Variants in BLACAT1 observed in about 807,000 individuals in gnomAD.
BLACAT1 encodes the protein bladder cancer associated transcript 1.
chr1:205,448,725 C>A lies in BLACAT1; in HGVS notation c.-37+7192G>T, dbSNP rs1238206142. 2.0e-5 allele frequency among the ~76,000 whole-genome samples: 3 copies of A among 152,136 alleles called. No individual in the cohort carries two copies. The highest frequency in any genetic ancestry group is 1.3e-4 in the Admixed American group (2 of 15,262). On this transcript the variant is annotated intron_variant, in intron 1 of 1. Coordinates refer to ENST00000629624, the Ensembl canonical transcript of BLACAT1. This position sits in a 1 kb window ranked among gnomAD's most constrained non-coding sequence, Gnocchi z 4.7. ...CCCCTGCCCAGGGTCCTTAACTACCCCTTCCCTAGAGAATAAGGCCGGATC... is the reference window on the plus strand; with the variant it reads ...CCCCTGCCCAGGGTCCTTAACTACCACTTCCCTAGAGAATAAGGCCGGATC...
In BLACAT1 at chr1:205,450,543, C is replaced by T. The variant is rs1406990186; in HGVS notation, c.-37+5374G>A. On this transcript the variant is annotated intron_variant, in intron 1 of 1. Coordinates refer to ENST00000629624, the Ensembl canonical transcript of BLACAT1. This position sits in a 1 kb window ranked among gnomAD's most constrained non-coding sequence, Gnocchi z 4.4. ...CCCTGCCCTGGGAGGACAAGGTCAG[C>T]ACTTATCTGTCCTTCCATTTCCTTT... Among the ~76,000 whole-genome samples the T allele has an allele frequency of 6.6e-6, 1 of 151,702 alleles. No individual in the cohort carries two copies. The highest frequency in any genetic ancestry group is 1.5e-5 in the Non-Finnish European group (1 of 67,920).
rs1666486722 is a variant in BLACAT1 at position 205,450,829 on chromosome 1, G to T, written c.-37+5088C>A. ...GACAGCCATCATGTCTCAGGCTGGAGTGAACCTCACTTGAAATATGGAGAA... is the reference window on the plus strand; with the variant it reads ...GACAGCCATCATGTCTCAGGCTGGATTGAACCTCACTTGAAATATGGAGAA... On this transcript the variant is annotated intron_variant, in intron 1 of 1. Coordinates refer to ENST00000629624, the Ensembl canonical transcript of BLACAT1. The surrounding 1 kb of genome is among the most constrained non-coding windows in gnomAD (Gnocchi z 4.4). 1.3e-5 allele frequency among the ~76,000 whole-genome samples: 2 copies of T among 152,222 alleles called. No homozygotes were observed. The highest frequency in any genetic ancestry group is 4.8e-5 in the African/African-American group (2 of 41,458).
intron 1 of BLACAT1, among the ~76,000 whole-genome samples, chr1:205,442,334 T>G (rs947715241): frequency 1.2e-4 from 19 of 152,340 alleles, no homozygotes; most frequent in African/African-American, 4.1e-4. Flanking sequence ...AGAGATTGCA[T>G]AGGATGTCCT....
chr1:205,452,050 C>T (rs547780790), intron 1 of BLACAT1, among the ~76,000 whole-genome samples: 27 of 152,164 alleles, frequency 1.8e-4, no homozygotes, highest in Non-Finnish European at 3.7e-4. Flanking sequence ...GGGCAAGAGG[C>T]GGAGGGAGGG....
downstream of BLACAT1, chr1:205,436,230 C>T (rs1999132): frequency 0.87 from 132,602 of 152,010 alleles, 58,728 homozygotes; most frequent in East Asian, 0.99. Context: ...AACTCCAGAC[C>T]TGGGGGGTGG....
At chr1:205,446,179 T>C (rs956468410) in intron 1 of BLACAT1, among the ~76,000 whole-genome samples, 3 of 152,240 alleles carry the variant, frequency 2.0e-5, no homozygotes, top group African/African-American at 4.8e-5. Flanking sequence ...TGAACAATCA[T>C]GTGAAATATA....
chr1:205,444,727 G>C (rs1348444918), intron 1 of BLACAT1, among the ~76,000 whole-genome samples: 3 of 152,162 alleles, frequency 2.0e-5, no homozygotes, highest in African/African-American at 7.2e-5. Flanking sequence ...GTGGGCGGCA[G>C]CGGGGGTGGA....
At chr1:205,442,476 G>C (rs145826294) in intron 1 of BLACAT1, among the ~76,000 whole-genome samples, 1 of 152,138 alleles carries the variant, frequency 6.6e-6, no homozygotes, top group South Asian at 2.1e-4. Context: ...AACTTCCTTC[G>C]TGTTTCTCCA....
At chr1:205,445,159 G>A (rs1442010054) in intron 1 of BLACAT1, among the ~76,000 whole-genome samples, 1 of 152,128 alleles carries the variant, frequency 6.6e-6, no homozygotes, top group Non-Finnish European at 1.5e-5. Flanking sequence ...AACGAAGGGG[G>A]TGAATTGGGT....
rs774206082 is a variant in BLACAT1 at position 205,448,321 on chromosome 1, A to G, written c.-36-7259T>C. 6 of 533,110 alleles carry G rather than the reference A, an allele frequency of 1.1e-5. No homozygotes were observed. Among genetic ancestry groups the G allele is most frequent in the Non-Finnish European group, 1.9e-5 (5 of 258,764 alleles). The allele number at this position is 533,110 out of a possible 1,614,324, so 33.0% of individuals were successfully genotyped here. A position where few individuals can be genotyped will look rare whatever the true frequency, so the allele number is the denominator to read the frequency against. ...GGAGAAGGAGCTCGCCCCTCACTGT[A>G]GCCCATGGCTTTTAGCCCTACATGA... On this transcript the variant is annotated intron_variant, in intron 1 of 1. Transcript: ENST00000629624. This position sits in a 1 kb window ranked among gnomAD's most constrained non-coding sequence, Gnocchi z 4.7.
intron 1 of BLACAT1, among the ~76,000 whole-genome samples, chr1:205,442,143 C>T (rs1451754849): frequency 6.6e-6 from 1 of 152,172 alleles, no homozygotes; most frequent in Non-Finnish European, 1.5e-5. Context: ...AAGGAAAGCG[C>T]CCTGCGTGGA....
chr1:205,455,976 T>A (rs1666558252), exon 1 of BLACAT1: 2 of 152,104 alleles, frequency 1.3e-5, no homozygotes, highest in South Asian at 4.1e-4. Context: ...TCTCTCTCTT[T>A]CTCTCTCTCT....
rs1444716536 is a variant in BLACAT1, at chr1:205,450,914, C to T, written c.-37+5003G>A. On this transcript the variant is annotated intron_variant, in intron 1 of 1. Coordinates refer to ENST00000629624, the Ensembl canonical transcript of BLACAT1. The surrounding 1 kb of genome is among the most constrained non-coding windows in gnomAD (Gnocchi z 4.4). ...AGGAAAACCCTGCTTCCTCCAATCC[C>T]GAGAACCTGGGCAGTGAAAGGCCAC... 6.6e-6 allele frequency among the ~76,000 whole-genome samples: 1 copy of T among 152,174 alleles called. No homozygotes were observed. The highest frequency in any genetic ancestry group is 2.4e-5 in the African/African-American group (1 of 41,436).
Position 205,448,411 on chromosome 1 carries a change from G to A in BLACAT1, c.-36-7349C>T, listed in dbSNP as rs773006338. On this transcript the variant is annotated intron_variant, in intron 1 of 1. Coordinates refer to ENST00000629624, the Ensembl canonical transcript of BLACAT1. The surrounding 1 kb of genome is among the most constrained non-coding windows in gnomAD (Gnocchi z 4.7). Reference sequence around the variant, plus strand: ...CCACAGCAGAGTGGAGGGGTCCAGCGGCAGGAATCTCATAGGGAAGCGAGA... The same window carrying A: ...CCACAGCAGAGTGGAGGGGTCCAGCAGCAGGAATCTCATAGGGAAGCGAGA... 1.3e-5 allele frequency: 7 copies of A among 533,708 alleles called. No homozygotes were observed. The highest frequency in any genetic ancestry group is 9.7e-5 in the Admixed American group (5 of 51,440). The allele number at this position is 533,708 out of a possible 1,614,324, so 33.1% of individuals were successfully genotyped here. A position where few individuals can be genotyped will look rare whatever the true frequency, so the allele number is the denominator to read the frequency against.
At chr1:205,440,028 T>C (rs7552574) in exon 2 of BLACAT1, among the ~76,000 whole-genome samples, 133,066 of 151,928 alleles carry the variant, frequency 0.88, 59,316 homozygotes, top group East Asian at 0.99. Flanking sequence ...GAGTTTCCAC[T>C]GAAGGCACCA....
intron 1 of BLACAT1, among the ~76,000 whole-genome samples, chr1:205,443,445 A>T (rs1329509590): frequency 1.3e-5 from 2 of 152,086 alleles, no homozygotes; most frequent in Non-Finnish European, 2.9e-5. Context: ...TTGTCACTGT[A>T]GGGAAGGATG....
At chr1:205,449,209 C>CTG (rs781283005) in intron 1 of BLACAT1, among the ~76,000 whole-genome samples, 3 of 152,154 alleles carry the variant, frequency 2.0e-5, no homozygotes, top group Non-Finnish European at 4.4e-5. Context: ...GATTGAAGAG[C>CTG]TGAGTTAAGG....
intron 1 of BLACAT1, among the ~76,000 whole-genome samples, chr1:205,442,265 G>T (rs12403847): frequency 0.75 from 114,531 of 152,054 alleles, 44,146 homozygotes; most frequent in East Asian, 0.99. Context: ...AGGGCTATGC[G>T]GAAGGGGTTT....
At chr1:205,445,530 C>T (rs1248205105) in intron 1 of BLACAT1, among the ~76,000 whole-genome samples, 2 of 152,242 alleles carry the variant, frequency 1.3e-5, no homozygotes, top group Non-Finnish European at 2.9e-5. Flanking sequence ...AGACCACAGA[C>T]CCTAGCTTGC....
Sources: gnomAD v4.1 joint callset for allele counts (sites outside exome capture counted in the v4.1 genomes callset) on GRCh38, gnomAD v4.1.1 for gene constraint, Gnocchi (gnomAD v3.1) non-coding constraint, MANE v1.5 for transcripts, NCBI Gene and HGNC (gene_info 2026-07-23, HGNC 2026-07-21) for gene names.